ABHD17B: variants seen among roughly 807,000 people sequenced by gnomAD.
The protein encoded by ABHD17B is abhydrolase domain containing 17B, depalmitoylase.
ABHD17B carries 9 observed loss-of-function variants against 26.2 expected under a neutral mutation model. The ratio of observed to expected loss-of-function variants is 0.34; its 90% CI spans 0.21 to 0.60. The LOEUF (loss-of-function observed/expected upper bound fraction) is 0.60, where lower values mean the gene tolerates loss of function less well. Among genes scored for constraint, ABHD17B ranks in the 20% least tolerant of loss-of-function variants. The probability of loss-of-function intolerance (pLI) is 0.80; values close to 1 mark genes in which losing one functional copy is unlikely to be tolerated. For missense variants in ABHD17B, 224 were observed against 352.1 expected, an observed-to-expected ratio of 0.64 and a Z score of 2.91; for synonymous variants, 127 against 122.3, an observed-to-expected ratio of 1.04 and a Z score of -0.25.
At chr9:71,884,431 C>G (rs1335220259) in intron 1 of ABHD17B, among the ~76,000 whole-genome samples, 2 of 151,980 alleles carry the variant, frequency 1.3e-5, no homozygotes, top group Non-Finnish European at 1.5e-5. Context: ...AGAAAATTAA[C>G]ACAGTCAGAA....
intron 1 of ABHD17B, among the ~76,000 whole-genome samples, chr9:71,885,201 T>G (rs1479746235): frequency 6.6e-6 from 1 of 151,918 alleles, no homozygotes; most frequent in Non-Finnish European, 1.5e-5. Flanking sequence ...TCCCAGCAAT[T>G]TGGGAGGCCA....
intron 1 of ABHD17B, among the ~76,000 whole-genome samples, chr9:71,908,174 T>A (rs556205390): frequency 6.6e-6 from 1 of 152,076 alleles, no homozygotes; most frequent in Admixed American, 6.5e-5. Context: ...GTGGATCACC[T>A]GAGGTCAGGA....
At chr9:71,891,966 A>G (rs1166998386) in intron 1 of ABHD17B, among the ~76,000 whole-genome samples, 4 of 152,228 alleles carry the variant, frequency 2.6e-5, no homozygotes, top group Non-Finnish European at 4.4e-5. Flanking sequence ...TGTAGTCCAA[A>G]GAGCACTAAG....
At chr9:71,896,238 T>C (rs1437594331) in intron 1 of ABHD17B, among the ~76,000 whole-genome samples, 5 of 152,230 alleles carry the variant, frequency 3.3e-5, no homozygotes, top group South Asian at 2.1e-4. Flanking sequence ...ACTTCACTTC[T>C]ATATGATTAA....
At chr9:71,877,593 T>A (rs894856000) in intron 1 of ABHD17B, among the ~76,000 whole-genome samples, 2 of 152,142 alleles carry the variant, frequency 1.3e-5, no homozygotes, top group South Asian at 4.1e-4. Flanking sequence ...AATTTTTGTA[T>A]TTTTAGTAGA....
At chr9:71,862,513 T>G (rs1825853896), downstream of ABHD17B, 1 of 1,539,156 alleles carries the variant, frequency 6.5e-7, no homozygotes, top group African/African-American at 1.4e-5. Flanking sequence ...TTAATCCAGT[T>G]AAGTTTGGTA....
downstream of ABHD17B, chr9:71,862,714 T>C: frequency 4.8e-6 from 3 of 630,838 alleles, no homozygotes; most frequent in South Asian, 5.8e-5. Flanking sequence ...GATTTTGTCA[T>C]GTATGTCTAA....
At chr9:71,873,044 T>C (rs527545982) in intron 2 of ABHD17B, among the ~76,000 whole-genome samples, 1 of 152,060 alleles carries the variant, frequency 6.6e-6, no homozygotes, top group African/African-American at 2.4e-5. Context: ...ATTATTAAAA[T>C]TGAGGAAATT....
downstream of ABHD17B, chr9:71,862,667 T>G: frequency 1.3e-6 from 1 of 789,064 alleles, no homozygotes. Flanking sequence ...TGAGTTTATG[T>G]GGCTTTCCAT....
intron 1 of ABHD17B, among the ~76,000 whole-genome samples, chr9:71,875,719 T>C (rs1826254343): frequency 1.3e-5 from 2 of 152,246 alleles, no homozygotes; most frequent in Non-Finnish European, 1.5e-5. Flanking sequence ...ATATCTTTAG[T>C]GTAGTCTGTA....
At chr9:71,869,260 T>C (rs545643622) in intron 3 of ABHD17B, among the ~76,000 whole-genome samples, 2 of 152,232 alleles carry the variant, frequency 1.3e-5, no homozygotes, top group Non-Finnish European at 2.9e-5. Context: ...ACTAAAGTGA[T>C]CCATTACTGG....
At chr9:71,878,765 CAAAG>C (rs1826354275) in intron 1 of ABHD17B, among the ~76,000 whole-genome samples, 1 of 151,838 alleles carries the variant, frequency 6.6e-6, no homozygotes, top group South Asian at 2.1e-4. Context: ...TCAAAAAAAA[CAAAG>C]AGAGAGAGAG....
intron 1 of ABHD17B, among the ~76,000 whole-genome samples, chr9:71,899,948 A>T (rs566602738): frequency 7.9e-5 from 12 of 152,302 alleles, no homozygotes; most frequent in African/African-American, 2.9e-4. Context: ...AGAAAAGTAA[A>T]TTCTTTAGGA....
At position 71,911,024 on chromosome 9, in the gene ABHD17B, A is replaced by C. The variant is rs1456670577; in HGVS notation, c.-394T>G. 1 of 153,952 alleles carries C rather than the reference A, an allele frequency of 6.5e-6. No individual in the cohort carries two copies. Among genetic ancestry groups the C allele is most frequent in the Non-Finnish European group, 1.5e-5 (1 of 68,876 alleles). 9.5% of individuals were successfully genotyped at this position (153,952 alleles called of 1,614,324 possible). ...CGCCGCCACCGCCTCCCTTTCTGGC[A>C]CTGCAGACGCCACCCAGACCTAGCC... is the stretch of plus-strand genomic sequence containing the variant. On this transcript the variant is annotated 5_prime_UTR_variant, in exon 1 of 4. Coordinates refer to ENST00000333421, the MANE Select transcript of ABHD17B (RefSeq NM_001025780.3).
Position 71,866,379 on chromosome 9 carries a change from T to C in ABHD17B, c.*408A>G, listed in dbSNP as rs1825954561. The C allele has an allele frequency of 3.0e-6, 3 of 987,718 alleles. No homozygotes were observed. The highest frequency in any genetic ancestry group is 1.8e-5 in the African/African-American group (1 of 57,060). 61.2% of individuals were successfully genotyped at this position (987,718 alleles called of 1,614,324 possible). ...TTATGAGTACTTAAATTGCTTTAGA[T>C]ACATAGCTTTTTTCAAAATATTACA... is the stretch of plus-strand genomic sequence containing the variant. On this transcript the variant is annotated 3_prime_UTR_variant, in exon 4 of 4. Transcript: ENST00000333421.
rs923523760 is a variant in ABHD17B, at chr9:71,865,963, A to G, written c.*824T>C. The G allele has an allele frequency of 2.0e-6, 2 of 985,148 alleles. No homozygotes were observed. The highest frequency in any genetic ancestry group is 3.5e-5 in the African/African-American group (2 of 57,228). The allele number at this position is 985,148 out of a possible 1,614,324, so 61.0% of individuals were successfully genotyped here. A position where few individuals can be genotyped will look rare whatever the true frequency, so the allele number is the denominator to read the frequency against. ...ACTTTCGGGATTTCATACAATGAAG[A>G]CTACTGCAATTCTATGAAGACTATG... On this transcript the variant is annotated 3_prime_UTR_variant, in exon 4 of 4. Coordinates refer to ENST00000333421, the MANE Select transcript of ABHD17B (RefSeq NM_001025780.3).
At chr9:71,901,652 C>T (rs982647316) in intron 1 of ABHD17B, among the ~76,000 whole-genome samples, 2 of 152,072 alleles carry the variant, frequency 1.3e-5, no homozygotes, top group African/African-American at 4.8e-5. Flanking sequence ...GGTCTCTCCC[C>T]TTAAACTCTA....
chr9:71,873,755 G>A (rs895511436), intron 2 of ABHD17B, among the ~76,000 whole-genome samples: 24 of 151,904 alleles, frequency 1.6e-4, no homozygotes, highest in African/African-American at 3.1e-4. Context: ...GACTGGTCTC[G>A]AACTCCTGAC....
chr9:71,894,504 C>G (rs945601406), intron 1 of ABHD17B, among the ~76,000 whole-genome samples: 4 of 152,084 alleles, frequency 2.6e-5, no homozygotes, highest in Non-Finnish European at 5.9e-5. Flanking sequence ...GCCACGACAC[C>G]CAGCTGCCAA....
Sources: allele counts gnomAD v4.1 joint callset (sites outside exome capture counted in the v4.1 genomes callset), GRCh38; gene constraint gnomAD v4.1.1; transcripts MANE v1.5; gene names NCBI Gene and HGNC (gene_info 2026-07-23, HGNC 2026-07-21).